KCNQ1: variants seen among roughly 807,000 people sequenced by gnomAD.
KCNQ1 encodes the protein potassium voltage-gated channel subfamily KQT member 1.
A neutral mutation model predicts 72.4 loss-of-function variants in KCNQ1; 49 were observed. The observed-to-expected ratio is 0.68, with a 90% CI of 0.54 to 0.86. The LOEUF (loss-of-function observed/expected upper bound fraction) is 0.86, where lower values mean the gene tolerates loss of function less well. Ranked by LOEUF, KCNQ1 falls within the 40% of genes least tolerant of loss-of-function variation. The pLI, the probability that KCNQ1 is intolerant of heterozygous loss-of-function variation, is 0.00. For missense variants in KCNQ1, 790 were observed against 945.1 expected, an observed-to-expected ratio of 0.84 and a Z score of 2.15; for synonymous variants, 450 against 412.6, an observed-to-expected ratio of 1.09 and a Z score of -1.10.
chr11:2,586,483 T>C (rs1336344337), intron 8 of KCNQ1, among the ~76,000 whole-genome samples: 1 of 152,216 alleles, frequency 6.6e-6, no homozygotes, highest in Non-Finnish European at 1.5e-5. Flanking sequence ...ATTGGATTCC[T>C]GGTCCCACTC....
Position 2,566,760 on chromosome 11 carries a change from C to CG in KCNQ1, c.478-3862dup, listed in dbSNP as rs1271620498. ...TCCCGGGCCATTGCATCCTTGACCC[C>CG]GGGGGGCTTGCAGGCACCACATAGA... On this transcript the variant is annotated intron_variant, in intron 2 of 15. Coordinates refer to ENST00000155840, the MANE Select transcript of KCNQ1 (RefSeq NM_000218.3). This position sits in a 1 kb window ranked among gnomAD's most constrained non-coding sequence, Gnocchi z 6.7. Among the ~76,000 whole-genome samples, 4 of 152,114 alleles carry CG rather than the reference C, an allele frequency of 2.6e-5. No individual in the cohort carries two copies. The highest frequency in any genetic ancestry group is 9.7e-5 in the African/African-American group (4 of 41,398).
chr11:2,572,806 G>A (rs763770576), intron 5 of KCNQ1, 40 bp from the exon 6 acceptor site: 10 of 1,612,770 alleles, frequency 6.2e-6, no homozygotes, highest in South Asian at 1.1e-5. Flanking sequence ...CTCCCAGCCT[G>A]CGGTTCCTGG....
In KCNQ1 at chr11:2,456,950, A is replaced by C. The variant is rs1315818149; in HGVS notation, c.386+11466A>C. ...CAAGACTCGGTCTCAAAAAAAAAAA[A>C]AAAAAAAAAAAAAAACCCAAAAAAA... On this transcript the variant is annotated intron_variant, in intron 1 of 15. Transcript: ENST00000155840. Among the ~76,000 whole-genome samples, 14 of 145,312 alleles carry C rather than the reference A, an allele frequency of 9.6e-5. 1 individual carries two copies. The highest frequency in any genetic ancestry group is 3.9e-4 in the East Asian group (2 of 5,132).
rs1000130465 is a variant in KCNQ1 at position 2,725,029 on chromosome 11, G to T, written c.1515-43815G>T. ...GTCCCTGTCCGTTTAAGAAAAGCCT[G>T]TGGGCCCAATAGAGAAGCACAGGGT... On this transcript the variant is annotated intron_variant, in intron 11 of 15. Transcript: ENST00000155840. The surrounding 1 kb of genome is among the most constrained non-coding windows in gnomAD (Gnocchi z 7.2). Among the ~76,000 whole-genome samples the T allele has an allele frequency of 6.6e-6, 1 of 152,228 alleles. No individual in the cohort carries two copies. The highest frequency in any genetic ancestry group is 2.4e-5 in the African/African-American group (1 of 41,454).
At chr11:2,527,830 T>G in intron 1 of KCNQ1, 98 bp from the exon 2 acceptor site, 1 of 995,468 alleles carries the variant, frequency 1.0e-6, no homozygotes, top group South Asian at 1.3e-5. Flanking sequence ...TGTTCCTACC[T>G]GGGGGCGGGG....
intron 2 of KCNQ1, among the ~76,000 whole-genome samples, chr11:2,569,407 C>T (rs7119191): frequency 0.045 from 6,878 of 152,320 alleles, 490 homozygotes; most frequent in African/African-American, 0.16. Context: ...TGGGAGCCAG[C>T]GATGGCAGTG....
chr11:2,648,051 C>CG (rs1849693654), intron 10 of KCNQ1: 3 of 319,900 alleles, frequency 9.4e-6, no homozygotes, highest in African/African-American at 7.3e-5. Context: ...CCATCTCTAC[C>CG]AAAAAAAAAA....
At chr11:2,533,237 C>T (rs1174947330) in intron 2 of KCNQ1, among the ~76,000 whole-genome samples, 1 of 152,248 alleles carries the variant, frequency 6.6e-6, no homozygotes, top group African/African-American at 2.4e-5. Flanking sequence ...GAAACCCCAG[C>T]GCGGCCTCGG....
chr11:2,572,803 C>T, intron 5 of KCNQ1, 43 bp from the exon 6 acceptor site: 2 of 1,612,634 alleles, frequency 1.2e-6, no homozygotes, highest in Non-Finnish European at 1.7e-6. Context: ...AGGCTCCCAG[C>T]CTGCGGTTCC....
intron 15 of KCNQ1, among the ~76,000 whole-genome samples, chr11:2,839,307 C>CT (rs990730228): frequency 2.0e-5 from 3 of 152,196 alleles, no homozygotes; most frequent in African/African-American, 7.2e-5. Context: ...CCACGTGGGC[C>CT]CCCCTGGCTC....
Position 2,641,979 on chromosome 11 carries a change from A to T in KCNQ1, c.1394-19982A>T, listed in dbSNP as rs143736832. On this transcript the variant is annotated intron_variant, in intron 10 of 15. Coordinates refer to ENST00000155840, the MANE Select transcript of KCNQ1 (RefSeq NM_000218.3). Reference sequence around the variant, plus strand: ...TTACTTCCAGGTTCTACTCTGTTCCATTGGTCTATCAGTTTTTATTCCAAT... The same window carrying T: ...TTACTTCCAGGTTCTACTCTGTTCCTTTGGTCTATCAGTTTTTATTCCAAT... 105 of 398,380 alleles carry T rather than the reference A, an allele frequency of 2.6e-4. 1 individual carries two copies. Among genetic ancestry groups the T allele is most frequent in the African/African-American group, 1.7e-3 (83 of 48,720 alleles). 24.7% of individuals were successfully genotyped at this position (398,380 alleles called of 1,614,324 possible). A position where few individuals can be genotyped will look rare whatever the true frequency, so the allele number is the denominator to read the frequency against.
chr11:2,489,912 T>C (rs1846806679), intron 1 of KCNQ1, among the ~76,000 whole-genome samples: 2 of 152,190 alleles, frequency 1.3e-5, no homozygotes, highest in African/African-American at 2.4e-5. Flanking sequence ...TTCTGAAATA[T>C]ACTGGCTTCA....
chr11:2,842,363 C>T (rs767734634), intron 15 of KCNQ1, among the ~76,000 whole-genome samples: 3 of 152,296 alleles, frequency 2.0e-5, no homozygotes, highest in Admixed American at 6.5e-5. Context: ...TAGGAGAGGA[C>T]GCCTGGTACC....
intron 10 of KCNQ1, among the ~76,000 whole-genome samples, chr11:2,607,467 C>A (rs1270513549): frequency 2.0e-5 from 3 of 152,216 alleles, no homozygotes; most frequent in African/African-American, 7.2e-5. Flanking sequence ...AGGGTGGAGA[C>A]CTCATGGAAT....
At chr11:2,693,813 G>A in intron 11 of KCNQ1, 1 of 398,862 alleles carries the variant, frequency 2.5e-6, no homozygotes, top group Non-Finnish European at 4.4e-6. Context: ...GGCTGATAAA[G>A]GCACCGGAAG....
chr11:2,701,045 C>T (rs1248049239), intron 11 of KCNQ1, among the ~76,000 whole-genome samples: 1 of 152,160 alleles, frequency 6.6e-6, no homozygotes, highest in Non-Finnish European at 1.5e-5. Context: ...TGTTACAACC[C>T]CAACCCAGGG....
rs1848619814 is a variant in KCNQ1 at position 2,588,055 on chromosome 11, G to T, written c.1251+363G>T. ...GTGGGCAGGGGGCCGCGCGCAGTGG[G>T]TGGTGGGAGGGGAGCAGCAGGGGAG... On this transcript the variant is annotated intron_variant, in intron 9 of 15. Coordinates refer to ENST00000155840, the MANE Select transcript of KCNQ1 (RefSeq NM_000218.3). This position sits in a 1 kb window ranked among gnomAD's most constrained non-coding sequence, Gnocchi z 5.6. Among the ~76,000 whole-genome samples the T allele has an allele frequency of 6.6e-6, 1 of 152,082 alleles. No homozygotes were observed. Among genetic ancestry groups the T allele is most frequent in the Non-Finnish European group, 1.5e-5 (1 of 67,998 alleles).
At position 2,725,769 on chromosome 11, in the gene KCNQ1, C is replaced by T. The variant is rs942196731; in HGVS notation, c.1515-43075C>T. Among the ~76,000 whole-genome samples the T allele has an allele frequency of 2.0e-5, 3 of 152,000 alleles. No homozygotes were observed. Among genetic ancestry groups the T allele is most frequent in the Non-Finnish European group, 2.9e-5 (2 of 67,996 alleles). On this transcript the variant is annotated intron_variant, in intron 11 of 15. Transcript: ENST00000155840. This position sits in a 1 kb window ranked among gnomAD's most constrained non-coding sequence, Gnocchi z 7.2. ...CTGTCAGCTTGTGTGAAAGCTATCT[C>T]CCCCAGGCCCCACCCCCGCCCCCAC...
chr11:2,759,089 G>A lies in KCNQ1; in HGVS notation c.1515-9755G>A, dbSNP rs1846347500. Among the ~76,000 whole-genome samples the A allele has an allele frequency of 6.7e-6, 1 of 149,552 alleles. No homozygotes were observed. The highest frequency in any genetic ancestry group is 1.5e-5 in the Non-Finnish European group (1 of 67,726). On this transcript the variant is annotated intron_variant, in intron 11 of 15. Transcript: ENST00000155840. This position sits in a 1 kb window ranked among gnomAD's most constrained non-coding sequence, Gnocchi z 4.4. The stretch of plus-strand genomic sequence containing the variant: ...TGACCGTCGCGAACTCACGTAGAGG[G>A]CATACAGGACCTCTTGGTACTTTTT...
Sources: allele counts gnomAD v4.1 joint callset (sites outside exome capture counted in the v4.1 genomes callset), GRCh38; gene constraint gnomAD v4.1.1; non-coding constraint Gnocchi (gnomAD v3.1); transcripts MANE v1.5; gene names NCBI Gene and HGNC (gene_info 2026-07-23, HGNC 2026-07-21).